ADGRF5: variants seen among roughly 807,000 people sequenced by gnomAD.
ADGRF5 encodes the protein G-protein coupled receptor 116.
A neutral mutation model predicts 132.3 loss-of-function variants in ADGRF5; 75 were observed. That is an observed-to-expected ratio of 0.57 (90% CI 0.47 to 0.69). The LOEUF (loss-of-function observed/expected upper bound fraction) is 0.69, where lower values mean the gene tolerates loss of function less well. Ranked by LOEUF, ADGRF5 falls within the 30% of genes least tolerant of loss-of-function variation. The pLI is 0.00. For synonymous variants in ADGRF5, 629 were observed against 597.6 expected (o/e 1.05, Z -0.77); for missense variants, 1,516 against 1,630.6 (o/e 0.93, Z 1.21).
rs1004621761 is a variant in ADGRF5 at position 46,862,711 on chromosome 6, T to A, written c.2199+177A>T. ...TAGTATTTGAATTGAGGCTTTTTTT[T>A]TTTTTTTTTTTTTTTTTTGCATTTC... On this transcript the variant is annotated intron_variant, in intron 15 of 20. Coordinates refer to ENST00000283296, the MANE Select transcript of ADGRF5 (RefSeq NM_001098518.2). 7.3e-5 allele frequency among the ~76,000 whole-genome samples: 10 copies of A among 137,868 alleles called. No homozygotes were observed. In the East Asian group the frequency reaches 2.2e-3, roughly 30 times the overall value. The allele number at this position is 137,868 out of a possible 152,430, so 90.4% of individuals were successfully genotyped here. A position where few individuals can be genotyped will look rare whatever the true frequency, so the allele number is the denominator to read the frequency against.
chr6:46,891,824 G>T (rs1581878296), intron 3 of ADGRF5, among the ~76,000 whole-genome samples: 1 of 152,274 alleles, frequency 6.6e-6, no homozygotes, highest in East Asian at 1.9e-4. Context: ...TGTGACCTTA[G>T]CAAGTTTCAG....
At chr6:46,902,122 C>T (rs1401610088) in intron 2 of ADGRF5, among the ~76,000 whole-genome samples, 1 of 152,220 alleles carries the variant, frequency 6.6e-6, no homozygotes, top group Non-Finnish European at 1.5e-5. Flanking sequence ...CTTGAATATG[C>T]AGGAACTGAA....
At chr6:46,903,063 A>G (rs1036315051) in intron 2 of ADGRF5, among the ~76,000 whole-genome samples, 1 of 152,168 alleles carries the variant, frequency 6.6e-6, no homozygotes, top group African/African-American at 2.4e-5. Flanking sequence ...AGTCTCTGGT[A>G]GTGGTGAGTG....
chr6:46,863,342 C>G, intron 14 of ADGRF5: 1 of 574,422 alleles, frequency 1.7e-6, no homozygotes. Flanking sequence ...ATACCTTCAT[C>G]TGGAGATTCT....
intron 12 of ADGRF5, among the ~76,000 whole-genome samples, chr6:46,867,882 G>A (rs1425257139): frequency 6.6e-6 from 1 of 152,120 alleles, no homozygotes; most frequent in African/African-American, 2.4e-5. Flanking sequence ...AACTGATTAT[G>A]GGACTGTTTA....
At chr6:46,910,251 T>C (rs921415736) in intron 1 of ADGRF5, among the ~76,000 whole-genome samples, 2 of 152,164 alleles carry the variant, frequency 1.3e-5, no homozygotes, top group Non-Finnish European at 2.9e-5. Flanking sequence ...CCATTTATGA[T>C]AGGATTGTGG....
At chr6:46,899,692 G>A (rs1317708698) in intron 3 of ADGRF5, among the ~76,000 whole-genome samples, 2 of 149,880 alleles carry the variant, frequency 1.3e-5, no homozygotes, top group Non-Finnish European at 3.0e-5. Context: ...TTTTTTTAAA[G>A]CAAAAAGAAA....
intron 2 of ADGRF5, among the ~76,000 whole-genome samples, chr6:46,904,203 G>A (rs111749257): frequency 4.1e-4 from 63 of 152,220 alleles, no homozygotes; most frequent in Middle Eastern, 3.4e-3. Context: ...GAAGCACTGA[G>A]CTACATCATC....
chr6:46,940,860 T>G (rs1778021490), intron 1 of ADGRF5, among the ~76,000 whole-genome samples: 2 of 152,182 alleles, frequency 1.3e-5, no homozygotes, highest in South Asian at 4.1e-4. Flanking sequence ...AAGGAGCACT[T>G]ACAGCAAAGA....
intron 1 of ADGRF5, among the ~76,000 whole-genome samples, chr6:46,936,192 G>C (rs2150939561): frequency 6.6e-6 from 1 of 152,278 alleles, no homozygotes; most frequent in Middle Eastern, 3.4e-3. Flanking sequence ...CAGAGAGGTT[G>C]AGTTGGTCAG....
intron 1 of ADGRF5, among the ~76,000 whole-genome samples, chr6:46,929,836 T>C (rs1231057909): frequency 6.6e-6 from 1 of 152,022 alleles, no homozygotes; most frequent in Non-Finnish European, 1.5e-5. Flanking sequence ...ATTGTTATTT[T>C]TTGAGATAGT....
chr6:46,944,771 T>C (rs117055406), intron 1 of ADGRF5, among the ~76,000 whole-genome samples: 1 of 152,310 alleles, frequency 6.6e-6, no homozygotes, highest in East Asian at 1.9e-4. Context: ...GCAGGGCACA[T>C]ACTTTATCTT....
At chr6:46,930,823 CA>C (rs1375364070) in intron 1 of ADGRF5, among the ~76,000 whole-genome samples, 4 of 152,244 alleles carry the variant, frequency 2.6e-5, no homozygotes, top group African/African-American at 7.2e-5. Context: ...GAGGCTGAGG[CA>C]GGGGGATCCC....
At chr6:46,914,089 T>C (rs1216837235) in intron 1 of ADGRF5, among the ~76,000 whole-genome samples, 2 of 152,180 alleles carry the variant, frequency 1.3e-5, no homozygotes, top group East Asian at 1.9e-4. Context: ...TACTAAAGAA[T>C]AGAGTTACTT....
intron 1 of ADGRF5, among the ~76,000 whole-genome samples, chr6:46,940,480 G>A (rs79694536): frequency 2.3e-3 from 348 of 152,168 alleles, no homozygotes; most frequent in African/African-American, 7.9e-3. Flanking sequence ...CTACAATGGA[G>A]GAAATAACAG....
chr6:46,871,847 A>C lies in ADGRF5; in HGVS notation c.1407T>G (p.Ser469=). The C allele has an allele frequency of 6.3e-7, 1 of 1,591,486 alleles. No homozygotes were observed. The highest frequency in any genetic ancestry group is 8.6e-7 in the Non-Finnish European group (1 of 1,162,514). Residue 469 remains serine, a synonymous_variant, in exon 11 of 21, where the codon TCT becomes TCG. Transcript: ENST00000283296. Reference sequence around the variant, plus strand: ...AATGCTAGGGAGAGTCCTTACCCACAGAGATGAATGTCACTTTTATGTTTG... The same window carrying C: ...AATGCTAGGGAGAGTCCTTACCCACCGAGATGAATGTCACTTTTATGTTTG... ...GSANIKVTFI[S]VANLTITPDP... is the part of the protein sequence containing the mutation.
chr6:46,879,837 G>A lies in ADGRF5; in HGVS notation c.1017C>T (p.Asn339=). ...ACCTACCTGCATCACCTGGAGTGAT[G>A]TTGTGGATGGTGAGCTTGGACACCG... ...MTSVSKLTIH[N]ITPGDAGEYV... is the part of the protein sequence containing the mutation. The change falls in exon 9 of 21, where the codon AAC becomes AAT. Residue 339 remains asparagine, a synonymous_variant. Coordinates refer to ENST00000283296, the MANE Select transcript of ADGRF5 (RefSeq NM_001098518.2). 6.2e-7 allele frequency: 1 copy of A among 1,612,202 alleles called. No individual in the cohort carries two copies.
Position 46,868,875 on chromosome 6 carries a change from T to C in ADGRF5, c.1621+8A>G, listed in dbSNP as rs1445922269. 1 of 1,582,110 alleles carries C rather than the reference T, an allele frequency of 6.3e-7. No individual in the cohort carries two copies. Among genetic ancestry groups the C allele is most frequent in the Non-Finnish European group, 8.7e-7 (1 of 1,151,820 alleles). ...GCAGCACAATACGGTGTCCGGCCTT[T>C]CACTCACCATTCCACTCCCTGGTCG... On this transcript the variant is annotated splice_region_variant and intron_variant, in intron 12 of 20. Coordinates refer to ENST00000283296, the MANE Select transcript of ADGRF5 (RefSeq NM_001098518.2).
upstream of ADGRF5, among the ~76,000 whole-genome samples, chr6:46,923,175 C>G (rs529201275): frequency 6.6e-6 from 1 of 152,356 alleles, no homozygotes; most frequent in African/African-American, 2.4e-5. Flanking sequence ...AATCCCCAGC[C>G]TCGGCCTCCC....
Sources: allele counts gnomAD v4.1 joint callset (sites outside exome capture counted in the v4.1 genomes callset), GRCh38; gene constraint gnomAD v4.1.1; transcripts MANE v1.5; gene names NCBI Gene and HGNC (gene_info 2026-07-23, HGNC 2026-07-21).